The following ZNF534 variants were observed in gnomAD, a reference collection of about 807,000 sequenced individuals.
ZNF534 encodes the protein KRAB domain only 3.
In ZNF534, 19 loss-of-function variants were observed where a neutral mutation model predicts 13.6. That is an observed-to-expected ratio of 1.40 (90% CI 0.97 to 2.05). ZNF534 has a LOEUF of 2.05. Among genes scored for constraint, ZNF534 ranks in the 30% most tolerant of loss-of-function variants. The pLI is 0.00. For synonymous variants in ZNF534, 244 were observed against 273.8 expected, an observed-to-expected ratio of 0.89 and a Z score of 1.07; for missense variants, 782 against 796.3, an observed-to-expected ratio of 0.98 and a Z score of 0.22.
At chr19:52,451,690 GTA>G in exon 5 of ZNF534, 1 of 669,810 alleles carries the variant, frequency 1.5e-6, no homozygotes, top group Non-Finnish European at 2.7e-6. Flanking sequence ...GTTATGGAGA[GTA>G]GCTCCAAGGT....
downstream of ZNF534, among the ~76,000 whole-genome samples, chr19:52,442,641 C>G (rs575664399): frequency 1.3e-5 from 2 of 152,144 alleles, no homozygotes; most frequent in Non-Finnish European, 2.9e-5. Context: ...AAGCTACTTT[C>G]CTCTTTATAA....
At chr19:52,436,257 T>C (rs2122683751) in intron 4 of ZNF534, among the ~76,000 whole-genome samples, 1 of 152,118 alleles carries the variant, frequency 6.6e-6, no homozygotes, top group East Asian at 1.9e-4. Context: ...CTTTAAGCAC[T>C]TTCAGTATCA....
chr19:52,429,434 G>A (rs547412535), intron 1 of ZNF534, among the ~76,000 whole-genome samples, 190 bp downstream of exon 1: 33 of 152,262 alleles, frequency 2.2e-4, no homozygotes, highest in African/African-American at 7.9e-4. Flanking sequence ...AGGCTTCTAG[G>A]CCGGGCGCGG....
At chr19:52,435,936 CTTCTTTT>C (rs1269101347) in intron 4 of ZNF534, among the ~76,000 whole-genome samples, 4 of 20,784 alleles carry the variant, frequency 1.9e-4, no homozygotes, top group African/African-American at 4.7e-4. Flanking sequence ...TTTTCTTCTT[CTTCTTTT>C]TTTTTTTTTT....
chr19:52,434,624 G>C (rs1052391036), intron 3 of ZNF534, among the ~76,000 whole-genome samples: 2 of 151,552 alleles, frequency 1.3e-5, no homozygotes, highest in African/African-American at 2.4e-5. Flanking sequence ...CCAGCTACTC[G>C]GGAGACTGAG....
In ZNF534 at chr19:52,438,233, C is replaced by T; in HGVS notation, c.773C>T (p.Ala258Val). The change falls in exon 5 of 5, where the codon GCA (alanine) becomes GTA (valine). Residue 258 changes from alanine to valine, a missense_variant. Ala to Val is a moderately conservative substitution (Grantham distance 64). This residue lies in a region of ZNF534 where 591 missense variants were observed against 574.0 expected (regional missense o/e 1.03). Coordinates refer to ENST00000433050, the MANE Select transcript of ZNF534 (RefSeq NM_001143938.3). ...GKVFNQNSHL[A>V]QHQKIHTGQK... ...GTCTTCAATCAGAATTCACACCTTG[C>T]ACAACATCAGAAAATTCATACTGGA... 6.2e-7 allele frequency: 1 copy of T among 1,614,034 alleles called. No homozygotes were observed. Among genetic ancestry groups the T allele is most frequent in the Non-Finnish European group, 8.5e-7 (1 of 1,179,988 alleles).
At chr19:52,445,416 C>G (rs908140830), downstream of ZNF534, among the ~76,000 whole-genome samples, 3 of 152,040 alleles carry the variant, frequency 2.0e-5, no homozygotes, top group Non-Finnish European at 2.9e-5. Context: ...AGGCTGGTCT[C>G]GAACTCCTGA....
At chr19:52,451,518 G>A (rs1352440203) in exon 5 of ZNF534, 1 of 596,942 alleles carries the variant, frequency 1.7e-6, no homozygotes, top group Non-Finnish European at 2.9e-6. Flanking sequence ...GTTTCACCCA[G>A]CCAGCGGGCC....
rs2059157829 is a variant in ZNF534, at chr19:52,439,533, G to C, written c.*87G>C. The C allele has an allele frequency of 4.0e-6, 5 of 1,237,014 alleles. No individual in the cohort carries two copies. Among genetic ancestry groups the C allele is most frequent in the Non-Finnish European group, 5.5e-6 (5 of 910,018 alleles). The allele number at this position is 1,237,014 out of a possible 1,614,324, so 76.6% of individuals were successfully genotyped here. A position where few individuals can be genotyped will look rare whatever the true frequency, so the allele number is the denominator to read the frequency against. On this transcript the variant is annotated 3_prime_UTR_variant, in exon 5 of 5. Coordinates refer to ENST00000433050, the MANE Select transcript of ZNF534 (RefSeq NM_001143938.3). ...CCGAGGCAGGTGGATCATGAGGTCAGGAGATTGAGACCATCCTGGCTAACA... is the reference window on the plus strand; with the variant it reads ...CCGAGGCAGGTGGATCATGAGGTCACGAGATTGAGACCATCCTGGCTAACA...
At chr19:52,435,266 TCTCA>T in intron 4 of ZNF534, 57 bp downstream of exon 4, 1 of 1,527,754 alleles carries the variant, frequency 6.5e-7, no homozygotes, top group Non-Finnish European at 8.8e-7. Context: ...TTGAGAAGGG[TCTCA>T]CTCTGTCATC....
chr19:52,433,673 C>A (rs905770340), intron 2 of ZNF534, among the ~76,000 whole-genome samples: 14 of 152,198 alleles, frequency 9.2e-5, no homozygotes, highest in African/African-American at 3.1e-4. Context: ...GCAGTAATAC[C>A]TAACATTTCT....
intron 2 of ZNF534, among the ~76,000 whole-genome samples, chr19:52,432,958 A>G (rs1262183656): frequency 2.0e-5 from 3 of 151,926 alleles, no homozygotes; most frequent in African/African-American, 4.8e-5. Flanking sequence ...AAAAACCACT[A>G]TAGGTCGGAT....
At chr19:52,434,102 G>C in intron 3 of ZNF534, 21 bp downstream of exon 3, 2 of 1,609,594 alleles carry the variant, frequency 1.2e-6, no homozygotes, top group Non-Finnish European at 1.7e-6. Context: ...TGTCCGTCCA[G>C]AAGCCTGCAT....
chr19:52,436,530 G>A (rs1049048362), intron 4 of ZNF534, among the ~76,000 whole-genome samples: 1 of 151,976 alleles, frequency 6.6e-6, no homozygotes, highest in Non-Finnish European at 1.5e-5. Flanking sequence ...TTCAGTTGTG[G>A]CTTTTCATCC....
chr19:52,437,968 TC>T lies in ZNF534; in HGVS notation c.509del (p.Ser170LeufsTer37). The T allele has an allele frequency of 6.2e-7, 1 of 1,613,720 alleles. No homozygotes were observed. Among genetic ancestry groups the T allele is most frequent in the Non-Finnish European group, 8.5e-7 (1 of 1,179,932 alleles). ...FNNYRNDFLF[S>X]TLLPQEQKVH... ...TAACTACAGAAATGATTTTCTTTTTTCTACATTACTCCCACAAGAACAGAAA... is the reference window on the plus strand; with the variant it reads ...TAACTACAGAAATGATTTTCTTTTTTTACATTACTCCCACAAGAACAGAAA... On this transcript the variant is annotated frameshift_variant, in exon 5 of 5. Coordinates refer to ENST00000433050, the MANE Select transcript of ZNF534 (RefSeq NM_001143938.3). LOFTEE classifies it low-confidence loss of function (END_TRUNC).
chr19:52,432,045 C>T (rs1433566122), intron 2 of ZNF534, among the ~76,000 whole-genome samples: 4 of 151,488 alleles, frequency 2.6e-5, no homozygotes, highest in African/African-American at 9.7e-5. Flanking sequence ...TTATAAATAG[C>T]ATGTCATCAT....
At chr19:52,449,005 G>C (rs1373909989) in intron 4 of ZNF534, among the ~76,000 whole-genome samples, 1 of 152,006 alleles carries the variant, frequency 6.6e-6, no homozygotes, top group East Asian at 1.9e-4. Context: ...TTTCATGCCT[G>C]TGCTAACCTC....
intron 2 of ZNF534, among the ~76,000 whole-genome samples, chr19:52,432,561 G>A (rs2059094606): frequency 6.6e-6 from 1 of 152,202 alleles, no homozygotes; most frequent in Non-Finnish European, 1.5e-5. Flanking sequence ...CACATGGGAA[G>A]TGTTCTATTC....
exon 5 of ZNF534, chr19:52,452,070 AT>A (rs149737151): frequency 0.039 from 6,870 of 174,066 alleles, 393 homozygotes; most frequent in African/African-American, 0.13. Flanking sequence ...AAAGTACTGC[AT>A]TTTTTTTTTA....
Sources: allele counts gnomAD v4.1 joint callset (sites outside exome capture counted in the v4.1 genomes callset), GRCh38; gene constraint gnomAD v4.1.1; regional missense constraint gnomAD v4.1.1; transcripts MANE v1.5; gene names NCBI Gene and HGNC (gene_info 2026-07-23, HGNC 2026-07-21).